Variants in ITPR2 observed in about 807,000 individuals in gnomAD.
ITPR2 encodes the protein inositol 1,4,5-trisphosphate receptor type 2.
A neutral mutation model predicts 317.1 loss-of-function variants in ITPR2; 207 were observed. The observed-to-expected ratio is 0.65, with a 90% CI of 0.58 to 0.73. ITPR2 has a LOEUF of 0.73. Ranked by LOEUF, ITPR2 falls within the 30% of genes least tolerant of loss-of-function variation. The pLI is 0.00. For missense variants in ITPR2, 2,613 were observed against 3,284.0 expected (o/e 0.80, Z 4.99); for synonymous variants, 1,156 against 1,149.1 (o/e 1.01, Z -0.12).
chr12:26,602,789 AT>A (rs1374320963), intron 26 of ITPR2, 83 bp from the exon 27 acceptor site: 2 of 576,004 alleles, frequency 3.5e-6, no homozygotes, highest in Non-Finnish European at 5.5e-6. Context: ...TAATAAATAT[AT>A]TTTGTAATTA....
chr12:26,419,424 A>G (rs933312433), intron 49 of ITPR2: 4 of 479,146 alleles, frequency 8.3e-6, no homozygotes, highest in Non-Finnish European at 1.5e-5. Context: ...AGCATTGCTT[A>G]CAAACTGGCA....
intron 37 of ITPR2, among the ~76,000 whole-genome samples, chr12:26,499,089 C>T (rs1943013480): frequency 6.6e-6 from 1 of 152,092 alleles, no homozygotes; most frequent in Non-Finnish European, 1.5e-5. Context: ...AAATAGAAAA[C>T]TTTTTTACCA....
chr12:26,361,503 A>G (rs780814085), intron 55 of ITPR2, among the ~76,000 whole-genome samples: 2 of 152,212 alleles, frequency 1.3e-5, no homozygotes, highest in Non-Finnish European at 2.9e-5. Context: ...CAATTATACA[A>G]TCCAGCTTGT....
intron 55 of ITPR2, among the ~76,000 whole-genome samples, chr12:26,377,385 T>A (rs1461442613): frequency 1.3e-5 from 2 of 152,214 alleles, no homozygotes; most frequent in African/African-American, 4.8e-5. Context: ...TAACACTCAA[T>A]CTGCATTTGT....
At chr12:26,525,281 T>C (rs1478318524) in intron 37 of ITPR2, among the ~76,000 whole-genome samples, 1 of 152,238 alleles carries the variant, frequency 6.6e-6, no homozygotes, top group East Asian at 1.9e-4. Context: ...TCTTCATGTC[T>C]TTCATTCTAT....
chr12:26,541,312 C>T lies in ITPR2; in HGVS notation c.5073+8935G>A, dbSNP rs150181962. ...AGCATGGGTGACAAGAGTGAAACTC[C>T]ATCTCAAAAAAATAAAATAAAATAA... On this transcript the variant is annotated intron_variant, in intron 37 of 56. Transcript: ENST00000381340. 8.6e-3 allele frequency among the ~76,000 whole-genome samples: 1,312 copies of T among 152,004 alleles called. 17 individuals are homozygous for T. Among genetic ancestry groups the T allele is most frequent in the African/African-American group, 0.03 (1,244 of 41,448 alleles).
At chr12:26,816,585 C>G (rs1371042262) in intron 1 of ITPR2, among the ~76,000 whole-genome samples, 1 of 152,130 alleles carries the variant, frequency 6.6e-6, no homozygotes, top group African/African-American at 2.4e-5. Context: ...ATTAGCAAAG[C>G]CAGACATAGT....
chr12:26,706,609 A>G (rs1407198911), intron 9 of ITPR2, among the ~76,000 whole-genome samples: 1 of 152,120 alleles, frequency 6.6e-6, no homozygotes, highest in Non-Finnish European at 1.5e-5. Flanking sequence ...CACATCCTTG[A>G]GACCCCCTGA....
At chr12:26,678,157 A>G (rs1241200539) in intron 13 of ITPR2, among the ~76,000 whole-genome samples, 1 of 152,204 alleles carries the variant, frequency 6.6e-6, no homozygotes, top group Non-Finnish European at 1.5e-5. Context: ...AGAGGTAAAC[A>G]TAGTGCAGAA....
intron 2 of ITPR2, among the ~76,000 whole-genome samples, chr12:26,730,209 A>G (rs1345015948): frequency 6.6e-6 from 1 of 152,166 alleles, no homozygotes; most frequent in Admixed American, 6.5e-5. Context: ...TTACCATGTA[A>G]TATCTTTTTA....
chr12:26,795,049 C>A (rs1950407686), intron 1 of ITPR2, among the ~76,000 whole-genome samples: 2 of 152,182 alleles, frequency 1.3e-5, no homozygotes, highest in African/African-American at 4.8e-5. Context: ...TCTATAATTC[C>A]ATTTTTATAG....
chr12:26,356,254 G>A (rs1336034593), intron 55 of ITPR2, among the ~76,000 whole-genome samples: 4 of 152,176 alleles, frequency 2.6e-5, no homozygotes, highest in South Asian at 4.2e-4. Context: ...CCCAGACCAC[G>A]TGGTCCTGCA....
chr12:26,497,357 T>C (rs193142940), intron 37 of ITPR2, among the ~76,000 whole-genome samples: 377 of 152,174 alleles, frequency 2.5e-3, no homozygotes, highest in African/African-American at 8.7e-3. Context: ...GGTTTCACCG[T>C]GTTGGCCAGG....
At chr12:26,396,450 C>A (rs182953963) in intron 54 of ITPR2, among the ~76,000 whole-genome samples, 5 of 152,232 alleles carry the variant, frequency 3.3e-5, no homozygotes, top group African/African-American at 1.2e-4. Context: ...GAATTCATTT[C>A]TTTCCAAAGC....
chr12:26,498,169 T>G (rs1008793409), intron 37 of ITPR2, among the ~76,000 whole-genome samples: 1 of 152,258 alleles, frequency 6.6e-6, no homozygotes, highest in African/African-American at 2.4e-5. Flanking sequence ...TTTCTTTCTT[T>G]AAGACCTCTT....
intron 8 of ITPR2, among the ~76,000 whole-genome samples, chr12:26,713,262 C>T (rs11048668): frequency 0.35 from 53,060 of 152,012 alleles, 10,466 homozygotes; most frequent in East Asian, 0.79. Context: ...TCATGTTGAA[C>T]GTAATTTCCC....
At chr12:26,367,799 T>A (rs145741709) in intron 55 of ITPR2, among the ~76,000 whole-genome samples, 1 of 152,362 alleles carries the variant, frequency 6.6e-6, no homozygotes, top group African/African-American at 2.4e-5. Flanking sequence ...CCCATGTTTC[T>A]ACCACTGTTT....
chr12:26,700,142 A>C (rs142340401), intron 9 of ITPR2, among the ~76,000 whole-genome samples: 46 of 152,372 alleles, frequency 3.0e-4, no homozygotes, highest in African/African-American at 1.1e-3. Flanking sequence ...GACAAGGGAC[A>C]TAAGACAGGA....
chr12:26,571,926 G>A (rs1945171752), intron 34 of ITPR2, among the ~76,000 whole-genome samples: 1 of 152,182 alleles, frequency 6.6e-6, no homozygotes, highest in Non-Finnish European at 1.5e-5. Context: ...TTGAGCTACT[G>A]TACTTGAGAG....
Sources: gnomAD v4.1 joint callset for allele counts (sites outside exome capture counted in the v4.1 genomes callset) on GRCh38, gnomAD v4.1.1 for gene constraint, MANE v1.5 for transcripts, NCBI Gene and HGNC (gene_info 2026-07-23, HGNC 2026-07-21) for gene names.